GRID1: variants seen among roughly 807,000 people sequenced by gnomAD.
GRID1 encodes the protein glutamate ionotropic receptor delta type subunit 1.
In GRID1, 28 loss-of-function variants were observed where a neutral mutation model predicts 98.0. The observed-to-expected ratio is 0.29, with a 90% confidence interval of 0.21 to 0.39. The LOEUF (loss-of-function observed/expected upper bound fraction) is 0.39, where lower values mean the gene tolerates loss of function less well. GRID1 is among the 10% of genes least tolerant of loss of function. The pLI is 1.00. For synonymous variants in GRID1, 553 were observed against 538.5 expected (o/e 1.03, Z -0.37); for missense variants, 1,111 against 1,340.5 (o/e 0.83, Z 2.67).
At chr10:86,307,864 T>C (rs1457083303) in intron 2 of GRID1, among the ~76,000 whole-genome samples, 1 of 152,238 alleles carries the variant, frequency 6.6e-6, no homozygotes, top group Non-Finnish European at 1.5e-5. Flanking sequence ...AAATGTCCTT[T>C]GTTCCTTTGT....
intron 15 of GRID1, chr10:85,606,555 A>C (rs1273568297): frequency 6.6e-6 from 1 of 152,202 alleles, no homozygotes; most frequent in African/African-American, 2.4e-5. Flanking sequence ...GCTGTGTCTC[A>C]CAATGTGTCC....
chr10:86,298,884 C>T (rs908506678), intron 2 of GRID1, among the ~76,000 whole-genome samples: 6 of 152,196 alleles, frequency 3.9e-5, no homozygotes, highest in East Asian at 1.9e-4. Flanking sequence ...TCACCACTCA[C>T]GGATCCCTGG....
intron 3 of GRID1, among the ~76,000 whole-genome samples, chr10:86,167,155 C>G (rs1845411192): frequency 6.6e-6 from 1 of 152,200 alleles, no homozygotes; most frequent in Non-Finnish European, 1.5e-5. Context: ...TTCCACAGTT[C>G]TGAGAGCACT....
chr10:86,203,690 G>T (rs1441791020), intron 3 of GRID1, among the ~76,000 whole-genome samples: 1 of 151,762 alleles, frequency 6.6e-6, no homozygotes, highest in Admixed American at 6.6e-5. Context: ...AGAAGGGCTA[G>T]CACCCTGGAC....
intron 8 of GRID1, among the ~76,000 whole-genome samples, chr10:85,793,219 T>C (rs777430161): frequency 2.0e-5 from 3 of 152,160 alleles, no homozygotes; most frequent in Non-Finnish European, 4.4e-5. Flanking sequence ...GGCACTTCCA[T>C]GTGCACTCCT....
At chr10:86,313,638 G>A (rs1438472577) in intron 2 of GRID1, among the ~76,000 whole-genome samples, 2 of 152,136 alleles carry the variant, frequency 1.3e-5, no homozygotes, top group Non-Finnish European at 2.9e-5. Flanking sequence ...ATGACGTCCG[G>A]GAACTTGCCC....
intron 12 of GRID1, among the ~76,000 whole-genome samples, chr10:85,651,356 T>A (rs1843266575): frequency 6.6e-6 from 1 of 152,176 alleles, no homozygotes; most frequent in African/African-American, 2.4e-5. Flanking sequence ...GAAGCAAGCA[T>A]GGGCAAGCCG....
At chr10:86,178,019 A>G (rs1845601970) in intron 3 of GRID1, among the ~76,000 whole-genome samples, 1 of 151,994 alleles carries the variant, frequency 6.6e-6, no homozygotes, top group Admixed American at 6.6e-5. Context: ...GAGGGGCACC[A>G]GGGGTGAGGT....
At chr10:86,341,710 G>A (rs1476289864) in intron 2 of GRID1, among the ~76,000 whole-genome samples, 1 of 152,204 alleles carries the variant, frequency 6.6e-6, no homozygotes, top group Non-Finnish European at 1.5e-5. Context: ...TCGGGCAGTG[G>A]GGTAGACGCA....
intron 4 of GRID1, among the ~76,000 whole-genome samples, chr10:86,078,926 T>C (rs946420769): frequency 2.0e-5 from 3 of 152,226 alleles, no homozygotes; most frequent in African/African-American, 4.8e-5. Context: ...CCCAGCTCTA[T>C]GTCAGAAGCT....
intron 8 of GRID1, among the ~76,000 whole-genome samples, chr10:85,769,472 T>C (rs1842232804): frequency 6.6e-6 from 1 of 152,098 alleles, no homozygotes; most frequent in Non-Finnish European, 1.5e-5. Flanking sequence ...AGACAGTGGG[T>C]GCAGGACAGT....
At chr10:86,248,081 T>G (rs1032803665) in intron 2 of GRID1, among the ~76,000 whole-genome samples, 2 of 152,172 alleles carry the variant, frequency 1.3e-5, no homozygotes, top group African/African-American at 4.8e-5. Flanking sequence ...TGCCTCCCAC[T>G]TCCCCCAGAA....
chr10:86,002,233 C>A (rs986229242), intron 4 of GRID1, among the ~76,000 whole-genome samples: 1 of 152,136 alleles, frequency 6.6e-6, no homozygotes, highest in South Asian at 2.1e-4. Context: ...CCTAAAATAC[C>A]GACATTTCAT....
intron 4 of GRID1, among the ~76,000 whole-genome samples, chr10:85,964,652 A>G (rs1842314169): frequency 6.6e-6 from 1 of 152,240 alleles, no homozygotes; most frequent in African/African-American, 2.4e-5. Context: ...CAGATGGATT[A>G]AAGACTTAAA....
intron 8 of GRID1, among the ~76,000 whole-genome samples, chr10:85,749,309 A>C (rs983810882): frequency 2.0e-5 from 3 of 152,154 alleles, no homozygotes; most frequent in African/African-American, 7.2e-5. Context: ...CTTTAGTGGC[A>C]GCCATATAGT....
chr10:85,733,124 A>G (rs1841843529), intron 8 of GRID1, among the ~76,000 whole-genome samples: 1 of 152,212 alleles, frequency 6.6e-6, no homozygotes. Flanking sequence ...TTAGAATGAC[A>G]CATTTATCAC....
At chr10:86,362,326 G>A (rs1170177558) in intron 2 of GRID1, among the ~76,000 whole-genome samples, 1 of 152,198 alleles carries the variant, frequency 6.6e-6, no homozygotes, top group Non-Finnish European at 1.5e-5. Flanking sequence ...GCACCTGCAA[G>A]GAGCTGTGAT....
rs551608002 is a variant in GRID1, at chr10:85,928,962, C to T, written c.727-12723G>A. Among the ~76,000 whole-genome samples the T allele has an allele frequency of 6.4e-4, 98 of 152,318 alleles. 2 individuals carry two copies. The Middle Eastern group carries it at 0.01, about 16-fold the overall frequency. On this transcript the variant is annotated intron_variant, in intron 4 of 15. Transcript: ENST00000327946. ...AAGAGGACTCCAAACCTAGTTCTTG[C>T]TTTTCCTCTTTTGCTTTTAAACTCC...
Position 85,769,798 on chromosome 10 carries a change from G to C in GRID1, c.1234-40184C>G, listed in dbSNP as rs563784429. Among the ~76,000 whole-genome samples the C allele has an allele frequency of 2.3e-3, 345 of 152,358 alleles. 1 individual carries two copies. Among genetic ancestry groups the C allele is most frequent in the African/African-American group, 8.0e-3 (334 of 41,596 alleles). ...GGGGCGCCTGCCATTGCCCAGGCTT[G>C]CTTAGGTAAACAAAGCAGCAGGGAA... On this transcript the variant is annotated intron_variant, in intron 8 of 15. Transcript: ENST00000327946.
Sources: allele counts gnomAD v4.1 joint callset (sites outside exome capture counted in the v4.1 genomes callset), GRCh38; gene constraint gnomAD v4.1.1; transcripts MANE v1.5; gene names NCBI Gene and HGNC (gene_info 2026-07-23, HGNC 2026-07-21).